IGFL2: variants seen among roughly 807,000 people sequenced by gnomAD.
IGFL2 encodes insulin growth factor-like family member 2.
IGFL2 carries 7 observed loss-of-function variants against 13.9 expected under a neutral mutation model. The ratio of observed to expected loss-of-function variants is 0.51; its 90% CI spans 0.29 to 0.95. The LOEUF (loss-of-function observed/expected upper bound fraction) is 0.95. Ranked by LOEUF, IGFL2 falls within the 40% of genes least tolerant of loss-of-function variation. IGFL2 has a pLI of 0.08. For synonymous variants in IGFL2, 55 were observed against 55.8 expected (o/e 0.99, Z 0.07); for missense variants, 138 against 147.8 (o/e 0.93, Z 0.34).
At chr19:46,211,216 C>T in the IGFL2 span, among the ~76,000 whole-genome samples, 8,185 of 152,244 alleles carry the variant, frequency 0.054, 372 homozygotes, top group East Asian at 0.12. Flanking sequence ...CACTGGTCTG[C>T]ATCATACGAA....
the IGFL2 span, among the ~76,000 whole-genome samples, chr19:46,168,905 T>A: frequency 2.2e-5 from 3 of 137,786 alleles, no homozygotes; most frequent in East Asian, 4.0e-4. Flanking sequence ...ATTGAGTGTG[T>A]GTGTGTGTGT....
chr19:46,194,830 T>TTACATATATATATA, the IGFL2 span, among the ~76,000 whole-genome samples: 1 of 46,780 alleles, frequency 2.1e-5, no homozygotes, highest in African/African-American at 1.0e-4. Context: ...CTTCCTCATT[T>TTACATATATATATA]TATATATATA....
At chr19:46,128,649 A>G in the IGFL2 span, among the ~76,000 whole-genome samples, 3 of 152,204 alleles carry the variant, frequency 2.0e-5, no homozygotes, top group Non-Finnish European at 2.9e-5. Context: ...AATCACATTT[A>G]TTGATTTGCA....
intron 1 of IGFL2, among the ~76,000 whole-genome samples, chr19:46,151,869 G>A (rs758590675): frequency 2.0e-5 from 3 of 152,134 alleles, no homozygotes; most frequent in Non-Finnish European, 2.9e-5. Context: ...TCATGATCAC[G>A]CCACTGCACT....
At chr19:46,107,821 C>G in the IGFL2 span, among the ~76,000 whole-genome samples, 17 of 152,152 alleles carry the variant, frequency 1.1e-4, no homozygotes, top group East Asian at 2.9e-3. Flanking sequence ...CCCTCTGGGT[C>G]TAGGGCAGTA....
chr19:46,120,232 C>G, the IGFL2 span: 1 of 1,558,078 alleles, frequency 6.4e-7, no homozygotes, highest in South Asian at 1.2e-5. Context: ...CCTCTGAAGT[C>G]AAGTTGCTTC....
chr19:46,086,131 C>T, the IGFL2 span, among the ~76,000 whole-genome samples: 1 of 151,906 alleles, frequency 6.6e-6, no homozygotes, highest in Non-Finnish European at 1.5e-5. Context: ...CTATTTCATT[C>T]AATGGATTCT....
the IGFL2 span, among the ~76,000 whole-genome samples, chr19:46,116,204 A>G: frequency 6.6e-6 from 1 of 152,148 alleles, no homozygotes; most frequent in African/African-American, 2.4e-5. Flanking sequence ...TACATTAGGT[A>G]TATCTCCTCA....
At chr19:46,210,612 C>T in the IGFL2 span, among the ~76,000 whole-genome samples, 8,041 of 152,178 alleles carry the variant, frequency 0.053, 362 homozygotes, top group East Asian at 0.12. Flanking sequence ...GCATCCAGCA[C>T]GGGAGAAAGA....
chr19:46,101,116 G>A, the IGFL2 span: 5 of 152,344 alleles, frequency 3.3e-5, no homozygotes, highest in African/African-American at 7.2e-5. Context: ...CTCTGTCCTC[G>A]AGGGGCACTG....
chr19:46,186,752 C>T, the IGFL2 span, among the ~76,000 whole-genome samples: 2 of 152,166 alleles, frequency 1.3e-5, no homozygotes, highest in Admixed American at 6.5e-5. Flanking sequence ...GCAAATTAGG[C>T]GTCTCTTTTC....
At chr19:46,171,473 C>A in the IGFL2 span, among the ~76,000 whole-genome samples, 1 of 152,174 alleles carries the variant, frequency 6.6e-6, no homozygotes, top group Non-Finnish European at 1.5e-5. Context: ...CAAACTTAGA[C>A]CATACCATTC....
chr19:46,196,353 C>T, the IGFL2 span: 3 of 182,338 alleles, frequency 1.6e-5, no homozygotes, highest in Non-Finnish European at 3.8e-5. Context: ...ACACCTCATC[C>T]CTGTCCCCAT....
At chr19:46,210,676 A>G in the IGFL2 span, among the ~76,000 whole-genome samples, 1 of 152,236 alleles carries the variant, frequency 6.6e-6, no homozygotes, top group African/African-American at 2.4e-5. Context: ...TTCCTGCTTT[A>G]TATTCTGGCT....
chr19:46,092,181 T>C, the IGFL2 span, among the ~76,000 whole-genome samples: 4 of 152,156 alleles, frequency 2.6e-5, no homozygotes, highest in African/African-American at 7.2e-5. Context: ...TTGTTAGAGA[T>C]TGGGGTCTTG....
At chr19:46,150,136 A>C (rs1433463860) in intron 1 of IGFL2, among the ~76,000 whole-genome samples, 2 of 152,014 alleles carry the variant, frequency 1.3e-5, no homozygotes, top group Non-Finnish European at 2.9e-5. Flanking sequence ...AACAATGCTG[A>C]GTGTCTTTTC....
the IGFL2 span, chr19:46,136,718 C>T: frequency 5.8e-6 from 3 of 519,314 alleles, no homozygotes; most frequent in South Asian, 4.4e-5. Flanking sequence ...CATGACATTT[C>T]TGAGAACTGT....
chr19:46,129,533 G>A, the IGFL2 span, among the ~76,000 whole-genome samples: 3 of 152,120 alleles, frequency 2.0e-5, no homozygotes, highest in Non-Finnish European at 2.9e-5. Flanking sequence ...TGCCTTAGCT[G>A]TGTTCCAGAG....
downstream of IGFL2, chr19:46,164,041 GA>G: frequency 6.6e-6 from 1 of 152,304 alleles, no homozygotes; most frequent in Admixed American, 6.5e-5. Flanking sequence ...CCTGCTTAAA[GA>G]AACAGTCTGG....
Sources: gnomAD v4.1 joint callset for allele counts (sites outside exome capture counted in the v4.1 genomes callset) on GRCh38, gnomAD v4.1.1 for gene constraint, MANE v1.5 for transcripts, NCBI Gene and HGNC (gene_info 2026-07-23, HGNC 2026-07-21) for gene names.